Variants in DCDC2 observed in about 807,000 individuals in gnomAD.
The protein encoded by DCDC2 is doublecortin domain-containing protein 2.
In DCDC2, 40 loss-of-function variants were observed where a neutral mutation model predicts 50.2. The ratio of observed to expected loss-of-function variants is 0.80; its 90% CI spans 0.62 to 1.04. DCDC2 has a LOEUF of 1.04. DCDC2 is among the 50% of genes least tolerant of loss of function. The probability of loss-of-function intolerance (pLI) is 0.00; values close to 1 mark genes in which losing one functional copy is unlikely to be tolerated. For missense variants in DCDC2, 570 were observed against 581.9 expected (o/e 0.98, Z 0.21); for synonymous variants, 234 against 210.6 (o/e 1.11, Z -0.96).
chr6:24,315,938 G>A (rs1347280427), intron 2 of DCDC2, among the ~76,000 whole-genome samples: 1 of 152,142 alleles, frequency 6.6e-6, no homozygotes, highest in African/African-American at 2.4e-5. Context: ...GGGGATGACT[G>A]AGGAAAAAAA....
At chr6:24,290,805 T>C (rs1296313554) in intron 5 of DCDC2, 127 bp downstream of exon 5, 2 of 817,350 alleles carry the variant, frequency 2.4e-6, no homozygotes, top group Admixed American at 6.7e-5. Flanking sequence ...GTATACCATA[T>C]ATGCTTTCCA....
chr6:24,188,219 T>G (rs1171538579), intron 8 of DCDC2, among the ~76,000 whole-genome samples: 1 of 152,214 alleles, frequency 6.6e-6, no homozygotes, highest in East Asian at 1.9e-4. Context: ...AATGACACTG[T>G]GCACAGTAGG....
At chr6:24,344,695 AAC>A (rs1760223551) in intron 2 of DCDC2, among the ~76,000 whole-genome samples, 1 of 152,222 alleles carries the variant, frequency 6.6e-6, no homozygotes, top group South Asian at 2.1e-4. Context: ...GTCTTGTTCA[AAC>A]ACACATACAC....
chr6:24,312,418 T>G (rs1321737562), intron 2 of DCDC2, among the ~76,000 whole-genome samples: 1 of 152,126 alleles, frequency 6.6e-6, no homozygotes, highest in African/African-American at 2.4e-5. Context: ...GCCACGGAAA[T>G]ATTTTGGAAA....
chr6:24,292,472 TTTAG>T (rs1763772728), intron 4 of DCDC2, among the ~76,000 whole-genome samples: 2 of 152,272 alleles, frequency 1.3e-5, no homozygotes, highest in Non-Finnish European at 2.9e-5. Context: ...TATTTGTGTT[TTTAG>T]TTAGTATACA....
chr6:24,358,966 T>TATATATTATATATC (rs1561788686), upstream of DCDC2, among the ~76,000 whole-genome samples: 2 of 78,064 alleles, frequency 2.6e-5, no homozygotes, highest in Non-Finnish European at 4.3e-5. Flanking sequence ...TATTATATAT[T>TATATATTATATATC]ATATATTTTA....
intron 7 of DCDC2, among the ~76,000 whole-genome samples, chr6:24,225,138 T>C (rs1280167980): frequency 6.6e-6 from 1 of 152,060 alleles, no homozygotes; most frequent in Non-Finnish European, 1.5e-5. Flanking sequence ...ATACCCAGAT[T>C]TTTATAAGTG....
At chr6:24,346,816 C>A (rs1388154372) in intron 2 of DCDC2, among the ~76,000 whole-genome samples, 1 of 151,230 alleles carries the variant, frequency 6.6e-6, no homozygotes, top group Non-Finnish European at 1.5e-5. Flanking sequence ...TTGTGGACAT[C>A]AATGAAAGAA....
chr6:24,382,544 C>T, the DCDC2 span, among the ~76,000 whole-genome samples: 1 of 152,090 alleles, frequency 6.6e-6, no homozygotes, highest in Non-Finnish European at 1.5e-5. Context: ...AAGTAGTGTA[C>T]ATCTGAGTTT....
At chr6:24,339,829 T>C (rs1218709533) in intron 2 of DCDC2, among the ~76,000 whole-genome samples, 2 of 152,216 alleles carry the variant, frequency 1.3e-5, no homozygotes, top group African/African-American at 4.8e-5. Context: ...TTATAATAAG[T>C]GTTGGATGGG....
intron 4 of DCDC2, 97 bp downstream of exon 4, chr6:24,301,618 C>T: frequency 1.4e-6 from 2 of 1,469,540 alleles, no homozygotes; most frequent in South Asian, 1.3e-5. Flanking sequence ...AACTGGGGAG[C>T]CAAAATTCAA....
chr6:24,309,846 T>C (rs901713254), intron 2 of DCDC2, among the ~76,000 whole-genome samples: 2 of 152,040 alleles, frequency 1.3e-5, no homozygotes, highest in Non-Finnish European at 2.9e-5. Context: ...AAGACGTGAG[T>C]AGGCCAGGTA....
At chr6:24,200,885 G>C (rs1186307559) in intron 8 of DCDC2, among the ~76,000 whole-genome samples, 1 of 149,946 alleles carries the variant, frequency 6.7e-6, no homozygotes, top group Admixed American at 6.6e-5. Context: ...TAGACTTTAA[G>C]CCAACAAAGA....
chr6:24,279,532 G>C (rs773336893), intron 6 of DCDC2, among the ~76,000 whole-genome samples: 1 of 152,264 alleles, frequency 6.6e-6, no homozygotes, highest in Admixed American at 6.5e-5. Context: ...AGTGTGCTGT[G>C]ATCACACCAC....
At chr6:24,368,328 A>G in the DCDC2 span, among the ~76,000 whole-genome samples, 1 of 152,148 alleles carries the variant, frequency 6.6e-6, no homozygotes, top group African/African-American at 2.4e-5. Context: ...AGGTTCAAAT[A>G]TTCATATTCA....
At chr6:24,342,069 T>C (rs767905392) in intron 2 of DCDC2, among the ~76,000 whole-genome samples, 3 of 152,224 alleles carry the variant, frequency 2.0e-5, no homozygotes, top group Non-Finnish European at 4.4e-5. Flanking sequence ...TCCTCACAGA[T>C]GACTTCATAT....
At chr6:24,213,358 GT>G (rs1761918086) in intron 7 of DCDC2, among the ~76,000 whole-genome samples, 1 of 152,058 alleles carries the variant, frequency 6.6e-6, no homozygotes, top group Admixed American at 6.5e-5. Context: ...AAAACAAAGT[GT>G]TAATTTTTAA....
At chr6:24,311,774 A>G (rs1202770692) in intron 2 of DCDC2, among the ~76,000 whole-genome samples, 2 of 152,178 alleles carry the variant, frequency 1.3e-5, no homozygotes, top group African/African-American at 4.8e-5. Flanking sequence ...AGTTCTTCCT[A>G]CTGTGCCTTG....
At chr6:24,249,530 G>T (rs1455320238) in intron 7 of DCDC2, among the ~76,000 whole-genome samples, 1 of 152,196 alleles carries the variant, frequency 6.6e-6, no homozygotes. Flanking sequence ...AGATAAGGCA[G>T]CGATGCATTG....
Sources: allele counts gnomAD v4.1 joint callset (sites outside exome capture counted in the v4.1 genomes callset), GRCh38; gene constraint gnomAD v4.1.1; transcripts MANE v1.5; gene names NCBI Gene and HGNC (gene_info 2026-07-23, HGNC 2026-07-21).